Variants in ZBTB25 observed in about 807,000 individuals in gnomAD.
The protein encoded by ZBTB25 is zinc finger and BTB domain containing 25, also known as zinc finger and BTB domain-containing protein 25.
ZBTB25 carries 20 observed loss-of-function variants against 34.2 expected under a neutral mutation model. The observed-to-expected ratio is 0.58, with a 90% CI of 0.41 to 0.85. The LOEUF (loss-of-function observed/expected upper bound fraction) is 0.85. Ranked by LOEUF, ZBTB25 falls within the 40% of genes least tolerant of loss-of-function variation. The pLI, the probability that ZBTB25 is intolerant of heterozygous loss-of-function variation, is 0.00. For synonymous variants in ZBTB25, 175 were observed against 186.4 expected, an observed-to-expected ratio of 0.94 and a Z score of 0.50; for missense variants, 437 against 521.8, an observed-to-expected ratio of 0.84 and a Z score of 1.58.
intron 1 of ZBTB25, among the ~76,000 whole-genome samples, chr14:64,491,999 T>A (rs1469121611): frequency 6.6e-6 from 1 of 151,502 alleles, no homozygotes; most frequent in Non-Finnish European, 1.5e-5. Flanking sequence ...CATGCTTTAG[T>A]CCCAGCTACT....
Position 64,490,223 on chromosome 14 carries a change from AAAAAAAAAAAAAAAAAAAAAAT to A in ZBTB25, c.173+116_173+137del, listed in dbSNP as rs1566605101. Reference sequence around the variant, plus strand: ...ACTCTGTCGCCAAAAAAAAAAAAAAAAAAAAAAAAAAAAAAAAAAAATTATAATTTTACTTCTTAGTGTGACT... The same window carrying A: ...ACTCTGTCGCCAAAAAAAAAAAAAAATATAATTTTACTTCTTAGTGTGACT... On this transcript the variant is annotated intron_variant, in intron 2 of 2. Transcript: ENST00000608382. 4.5e-4 allele frequency: 53 copies of A among 117,046 alleles called. 8 individuals are homozygous for A. Among genetic ancestry groups the A allele is most frequent in the South Asian group, 3.2e-3 (8 of 2,538 alleles). The allele number at this position is 117,046 out of a possible 1,614,324, so 7.3% of individuals were successfully genotyped here.
At chr14:64,499,669 T>C (rs1452130552) in intron 1 of ZBTB25, 4 of 152,212 alleles carry the variant, frequency 2.6e-5, no homozygotes, top group Admixed American at 6.5e-5. Context: ...CAGACTTCTT[T>C]TCAAATAGTA....
chr14:64,497,215 A>C (rs1045252093), intron 1 of ZBTB25, among the ~76,000 whole-genome samples: 1 of 152,160 alleles, frequency 6.6e-6, no homozygotes, highest in Non-Finnish European at 1.5e-5. Flanking sequence ...CTTGTTTTGC[A>C]TAATAGGAGA....
rs2078884750 is a variant in ZBTB25, at chr14:64,487,023, G to A, written c.1208C>T (p.Ser403Phe). ...QPYCDSWSDV[S>F]LKSSRLSQEH... ...TTGTGACAAGCGAGAACTTTTCAGGGAGACATCAGACCAGCTGTCACAGTA... is the reference window on the plus strand; with the variant it reads ...TTGTGACAAGCGAGAACTTTTCAGGAAGACATCAGACCAGCTGTCACAGTA... The change falls in exon 3 of 3, where the codon TCC (serine) becomes TTC (phenylalanine). Residue 403 changes from serine (S) to phenylalanine (F), a missense_variant. By Grantham distance (155) the Ser-to-Phe change is radical (BLOSUM62 -2). Transcript: ENST00000608382. The A allele has an allele frequency of 1.9e-6, 3 of 1,614,180 alleles. No homozygotes were observed. Among genetic ancestry groups the A allele is most frequent in the East Asian group, 4.5e-5 (2 of 44,876 alleles).
downstream of ZBTB25, chr14:64,473,832 A>G (rs530694722): frequency 2.4e-5 from 4 of 167,064 alleles, no homozygotes; most frequent in African/African-American, 9.6e-5. Context: ...AATTCCTATG[A>G]TGTTTTATTG....
chr14:64,504,863 C>CCCTTCG (rs2079615692), upstream of ZBTB25: 7 of 397,378 alleles, frequency 1.8e-5, no homozygotes, highest in South Asian at 8.9e-4. Context: ...AGCTCGCGGC[C>CCCTTCG]CCTTCGCCTT....
intron 2 of ZBTB25, among the ~76,000 whole-genome samples, chr14:64,463,710 T>C (rs2078580991): frequency 6.6e-6 from 1 of 151,424 alleles, no homozygotes; most frequent in Non-Finnish European, 1.5e-5. Context: ...GGTGGGAGGA[T>C]TGCTTGAGCC....
chr14:64,488,934 C>A (rs1035524642), intron 2 of ZBTB25, among the ~76,000 whole-genome samples: 5 of 152,230 alleles, frequency 3.3e-5, no homozygotes, highest in South Asian at 2.1e-4. Flanking sequence ...ATAAAGATAT[C>A]TTAAAACTTC....
At chr14:64,472,469 C>G (rs371361130) in intron 2 of ZBTB25, 11 of 166,798 alleles carry the variant, frequency 6.6e-5, no homozygotes, top group African/African-American at 2.7e-4. Flanking sequence ...AAAATTTTAT[C>G]TAATACTAGG....
At chr14:64,453,557 G>GA (rs923717563) in intron 2 of ZBTB25, among the ~76,000 whole-genome samples, 1 of 152,068 alleles carries the variant, frequency 6.6e-6, no homozygotes, top group Non-Finnish European at 1.5e-5. Flanking sequence ...GCAACAGAGC[G>GA]AAACTCCGTC....
chr14:64,451,347 T>C (rs1475057124), intron 2 of ZBTB25, among the ~76,000 whole-genome samples: 3 of 152,244 alleles, frequency 2.0e-5, no homozygotes, highest in East Asian at 1.9e-4. Flanking sequence ...TAGATAATCA[T>C]AGACTTTCAA....
exon 3 of ZBTB25, chr14:64,449,371 T>C: frequency 6.4e-7 from 1 of 1,551,076 alleles, no homozygotes; most frequent in African/African-American, 1.4e-5. Flanking sequence ...CACATGAGGT[T>C]TAATGGCAAA....
Position 64,456,209 on chromosome 14 carries a change from G to A in ZBTB25, c.174-6571C>T, listed in dbSNP as rs568180536. Among the ~76,000 whole-genome samples, 425 of 152,052 alleles carry A rather than the reference G, an allele frequency of 2.8e-3. 2 individuals are homozygous for A. Among genetic ancestry groups the A allele is most frequent in the African/African-American group, 9.7e-3 (401 of 41,524 alleles). On this transcript the variant is annotated intron_variant, in intron 2 of 2. Transcript: ENST00000555220. ...AAGGTGGAGAGAGACACAGCCTGCC[G>A]AACTCAAGACTTTCTCATTTAGAAC... is the stretch of plus-strand genomic sequence containing the variant.
rs1430285060 is a variant in ZBTB25, at chr14:64,454,895, G to T, written c.174-5257C>A. On this transcript the variant is annotated intron_variant, in intron 2 of 2. Coordinates refer to the ZBTB25 transcript ENST00000555220. ...GGAACGGTAAGTGCATGCTGCAAGG[G>T]AGTAGTGGGCGCATCTGCACTTCTC... is the stretch of plus-strand genomic sequence containing the variant. 6.2e-7 allele frequency: 1 copy of T among 1,613,628 alleles called. No individual in the cohort carries two copies. The highest frequency in any genetic ancestry group is 8.5e-7 in the Non-Finnish European group (1 of 1,179,542).
Position 64,481,963 on chromosome 14 carries a change from T to A in ZBTB25, c.*4960A>T, listed in dbSNP as rs1355813015. On this transcript the variant is annotated 3_prime_UTR_variant, in exon 3 of 3. Coordinates refer to ENST00000608382, the MANE Select transcript of ZBTB25 (RefSeq NM_006977.5). Reference sequence around the variant, plus strand: ...AATTACTACAAAAAATGGACATTTATCAAGTATCTGACTCACAACATCAAG... The same window carrying A: ...AATTACTACAAAAAATGGACATTTAACAAGTATCTGACTCACAACATCAAG... 6.6e-6 allele frequency: 1 copy of A among 152,252 alleles called. No homozygotes were observed. The highest frequency in any genetic ancestry group is 1.5e-5 in the Non-Finnish European group (1 of 68,040). 9.4% of individuals were successfully genotyped at this position (152,252 alleles called of 1,614,324 possible).
chr14:64,455,119 CT>C (rs1345063013), intron 2 of ZBTB25: 6 of 494,094 alleles, frequency 1.2e-5, no homozygotes, highest in African/African-American at 1.2e-4. Context: ...ATAAAAAATT[CT>C]GTTTCCCAGG....
intron 2 of ZBTB25, among the ~76,000 whole-genome samples, chr14:64,454,320 C>T (rs1276188043): frequency 6.6e-6 from 1 of 152,050 alleles, no homozygotes; most frequent in Non-Finnish European, 1.5e-5. Flanking sequence ...GCCCTGTTGC[C>T]CAGGCTGGTC....
At chr14:64,469,797 A>G in intron 2 of ZBTB25, 1 of 749,540 alleles carries the variant, frequency 1.3e-6, no homozygotes, top group Non-Finnish European at 2.1e-6. Flanking sequence ...CTTAAAAGGT[A>G]CAATTCCAGC....
At position 64,484,571 on chromosome 14, in the gene ZBTB25, A is replaced by G. The variant is rs574026519; in HGVS notation, c.*2352T>C. On this transcript the variant is annotated 3_prime_UTR_variant, in exon 3 of 3. Transcript: ENST00000608382. ...TGGTGCATGCCTGTAATCCCAAGCT[A>G]CTTGGGAGGCTAAGGCAGGAGAATC... 1.3e-5 allele frequency: 2 copies of G among 152,402 alleles called. No individual in the cohort carries two copies. Among genetic ancestry groups the G allele is most frequent in the African/African-American group, 2.4e-5 (1 of 41,568 alleles). The allele number at this position is 152,402 out of a possible 1,614,324, so 9.4% of individuals were successfully genotyped here.
Sources: allele counts gnomAD v4.1 joint callset (sites outside exome capture counted in the v4.1 genomes callset), GRCh38; gene constraint gnomAD v4.1.1; transcripts MANE v1.5; gene names NCBI Gene and HGNC (gene_info 2026-07-23, HGNC 2026-07-21).